The following ATRNL1 variants were observed in gnomAD, a reference collection of about 807,000 sequenced individuals.
The protein encoded by ATRNL1 is attractin like 1.
In ATRNL1, 95 loss-of-function variants were observed where a neutral mutation model predicts 182.7. The observed-to-expected ratio is 0.52, with a 90% CI of 0.44 to 0.62. The LOEUF (loss-of-function observed/expected upper bound fraction) is 0.62. ATRNL1 is among the 20% of genes least tolerant of loss of function. ATRNL1 has a pLI of 0.00. For synonymous variants in ATRNL1, 576 were observed against 568.3 expected (o/e 1.01, Z -0.19); for missense variants, 1,471 against 1,679.5 (o/e 0.88, Z 2.17).
intron 21 of ATRNL1, among the ~76,000 whole-genome samples, chr10:115,451,931 T>TA (rs1345032737): frequency 6.6e-6 from 1 of 152,156 alleles, no homozygotes; most frequent in Non-Finnish European, 1.5e-5. Context: ...TATGTAGCCA[T>TA]AAAAAATGAG....
At position 115,188,862 on chromosome 10, in the gene ATRNL1, A is replaced by AAG. The variant is rs1554889293; in HGVS notation, c.1348+17570_1348+17571insAG. On this transcript the variant is annotated intron_variant, in intron 8 of 28. Transcript: ENST00000355044. ...GTGGGAATTAGGGATTTTTAATAGG[A>AAG]GAAATCTCCAGTTTAGAAACAATTC... 3.6e-3 allele frequency among the ~76,000 whole-genome samples: 552 copies of AAG among 152,288 alleles called. 2 individuals carry two copies. The highest frequency in any genetic ancestry group is 0.013 in the African/African-American group (533 of 41,576).
intron 24 of ATRNL1, among the ~76,000 whole-genome samples, chr10:115,507,926 T>C (rs983933783): frequency 2.6e-5 from 4 of 151,942 alleles, no homozygotes; most frequent in African/African-American, 9.7e-5. Flanking sequence ...ATGTCAAGTT[T>C]TTGAAACTGC....
At chr10:115,201,288 G>T (rs1185538850) in intron 8 of ATRNL1, among the ~76,000 whole-genome samples, 2 of 152,012 alleles carry the variant, frequency 1.3e-5, no homozygotes, top group East Asian at 3.9e-4. Flanking sequence ...TGGTGTTTTA[G>T]ACATGAAGTC....
chr10:115,286,171 G>T (rs200995243), intron 14 of ATRNL1, 45 bp from the exon 15 acceptor site: 332 of 897,678 alleles, frequency 3.7e-4, no homozygotes, highest in Non-Finnish European at 5.3e-4. Context: ...AAATACATTT[G>T]CTTTTTGGTA....
intron 17 of ATRNL1, among the ~76,000 whole-genome samples, chr10:115,308,259 T>C (rs1853834880): frequency 6.6e-6 from 1 of 152,164 alleles, no homozygotes; most frequent in Non-Finnish European, 1.5e-5. Context: ...ATAATTGGCA[T>C]TATTAGTAAT....
intron 19 of ATRNL1, among the ~76,000 whole-genome samples, chr10:115,360,357 A>G (rs1554943857): frequency 1.3e-5 from 2 of 151,756 alleles, no homozygotes; most frequent in African/African-American, 2.4e-5. Flanking sequence ...CATGTGAAAG[A>G]GCTATAAAGA....
chr10:115,683,505 A>G (rs1340634551), intron 26 of ATRNL1, among the ~76,000 whole-genome samples: 1 of 149,370 alleles, frequency 6.7e-6, no homozygotes, highest in Non-Finnish European at 1.5e-5. Flanking sequence ...GTGTTGATAG[A>G]AACCCTACAA....
chr10:115,537,640 A>T (rs560148963), intron 25 of ATRNL1, among the ~76,000 whole-genome samples: 82 of 152,148 alleles, frequency 5.4e-4, no homozygotes, highest in Middle Eastern at 6.8e-3. Flanking sequence ...TCACTTTTTC[A>T]TTGTTAGAGG....
chr10:115,274,638 A>G (rs1252008988), intron 13 of ATRNL1, among the ~76,000 whole-genome samples: 10 of 152,196 alleles, frequency 6.6e-5, no homozygotes, highest in Non-Finnish European at 1.5e-4. Flanking sequence ...GTCTTGTGGA[A>G]TAAAAAGGCA....
intron 8 of ATRNL1, among the ~76,000 whole-genome samples, chr10:115,199,240 T>C (rs1290032765): frequency 6.6e-6 from 1 of 152,106 alleles, no homozygotes; most frequent in Admixed American, 6.6e-5. Flanking sequence ...TTTATTTATT[T>C]ATTTCAAGTA....
intron 26 of ATRNL1, among the ~76,000 whole-genome samples, chr10:115,554,662 G>A (rs1373702875): frequency 6.6e-6 from 1 of 151,358 alleles, no homozygotes; most frequent in African/African-American, 2.4e-5. Flanking sequence ...GGGAGCACCT[G>A]GATTTACTTT....
At chr10:115,886,753 C>T (rs1951954485) in intron 28 of ATRNL1, among the ~76,000 whole-genome samples, 1 of 152,154 alleles carries the variant, frequency 6.6e-6, no homozygotes, top group Non-Finnish European at 1.5e-5. Flanking sequence ...TAAGAAGTTT[C>T]CATTTTTAAA....
chr10:115,549,208 A>T (rs1554994796), intron 25 of ATRNL1, among the ~76,000 whole-genome samples: 1 of 152,094 alleles, frequency 6.6e-6, no homozygotes. Flanking sequence ...ATAAATTTAC[A>T]TTCCTTCTGA....
At chr10:115,270,531 C>T (rs1338939588) in intron 13 of ATRNL1, among the ~76,000 whole-genome samples, 3 of 150,996 alleles carry the variant, frequency 2.0e-5, no homozygotes, top group African/African-American at 4.9e-5. Context: ...CAGGATCTGC[C>T]GTCTGCAAAC....
At chr10:115,361,798 A>G (rs1856761144) in intron 19 of ATRNL1, among the ~76,000 whole-genome samples, 1 of 152,042 alleles carries the variant, frequency 6.6e-6, no homozygotes, top group Non-Finnish European at 1.5e-5. Flanking sequence ...TGAGTCTCCA[A>G]TTTATAACTT....
intron 19 of ATRNL1, among the ~76,000 whole-genome samples, chr10:115,385,533 GT>G (rs1365471607): frequency 6.6e-6 from 1 of 152,036 alleles, no homozygotes; most frequent in African/African-American, 2.4e-5. Flanking sequence ...TTTATTAAGA[GT>G]ATCTTCTTAT....
intron 8 of ATRNL1, among the ~76,000 whole-genome samples, chr10:115,200,752 A>T: frequency 7.0e-6 from 1 of 142,634 alleles, no homozygotes; most frequent in South Asian, 2.4e-4. Context: ...CAGTAATGGG[A>T]TGGCTGGGTC....
At chr10:115,887,490 C>T (rs544529153) in intron 28 of ATRNL1, among the ~76,000 whole-genome samples, 1 of 152,084 alleles carries the variant, frequency 6.6e-6, no homozygotes, top group East Asian at 1.9e-4. Flanking sequence ...TCTGGGCTCT[C>T]TTTTATAAGG....
chr10:115,463,699 A>C (rs2134540914), intron 22 of ATRNL1, among the ~76,000 whole-genome samples: 1 of 151,622 alleles, frequency 6.6e-6, no homozygotes, highest in East Asian at 1.9e-4. Context: ...TCTTTATTCT[A>C]CTCTCTGCCT....
Sources: allele counts gnomAD v4.1 joint callset (sites outside exome capture counted in the v4.1 genomes callset), GRCh38; gene constraint gnomAD v4.1.1; transcripts MANE v1.5; gene names NCBI Gene and HGNC (gene_info 2026-07-23, HGNC 2026-07-21).